The following RYR2 variants were observed in gnomAD, a reference collection of about 807,000 sequenced individuals.
RYR2 encodes ryanodine receptor 2, also known as cardiac muscle ryanodine receptor-calcium release channel.
In RYR2, 227 loss-of-function variants were observed where a neutral mutation model predicts 601.1. The ratio of observed to expected loss-of-function variants is 0.38; its 90% CI spans 0.34 to 0.42. The LOEUF is 0.42. Among genes scored for constraint, RYR2 ranks in the 10% least tolerant of loss-of-function variants. The pLI is 1.00. For missense variants in RYR2, 4,646 were observed against 6,156.5 expected (o/e 0.75, Z 8.21); for synonymous variants, 2,223 against 2,175.1 (o/e 1.02, Z -0.61).
At chr1:237,517,978 G>A (rs1666725131) in intron 24 of RYR2, among the ~76,000 whole-genome samples, 1 of 152,006 alleles carries the variant, frequency 6.6e-6, no homozygotes, top group African/African-American at 2.4e-5. Context: ...TCCTTCTCTT[G>A]TTGTGTTAAG....
chr1:237,383,426 T>G (rs1366874987), intron 8 of RYR2, among the ~76,000 whole-genome samples: 8 of 74,082 alleles, frequency 1.1e-4, no homozygotes, highest in African/African-American at 4.8e-4. Context: ...TGTTTTTTTT[T>G]TTTTTTTTTT....
intron 1 of RYR2, among the ~76,000 whole-genome samples, chr1:237,061,941 G>T (rs1164032917): frequency 6.6e-6 from 1 of 152,180 alleles, no homozygotes; most frequent in African/African-American, 2.4e-5. Flanking sequence ...GTAGAGATCA[G>T]TCCCTCCACC....
chr1:237,496,364 C>T (rs983403275), intron 19 of RYR2, 147 bp from the exon 20 acceptor site: 21 of 1,021,544 alleles, frequency 2.1e-5, no homozygotes, highest in Non-Finnish European at 2.7e-5. Context: ...ACTATGATTG[C>T]ACTACTGCGC....
chr1:237,321,052 C>T (rs1695583660), intron 2 of RYR2, among the ~76,000 whole-genome samples: 1 of 151,702 alleles, frequency 6.6e-6, no homozygotes, highest in Non-Finnish European at 1.5e-5. Flanking sequence ...GCTGATATGA[C>T]CTTGTGGAAG....
chr1:237,173,982 G>T (rs1012316488), intron 1 of RYR2, among the ~76,000 whole-genome samples: 5 of 152,108 alleles, frequency 3.3e-5, no homozygotes, highest in Non-Finnish European at 5.9e-5. Context: ...GCATGAACCT[G>T]GGAGGCAGGG....
At chr1:237,579,080 T>G (rs1673596165) in intron 29 of RYR2, among the ~76,000 whole-genome samples, 2 of 152,078 alleles carry the variant, frequency 1.3e-5, no homozygotes, top group African/African-American at 4.8e-5. Flanking sequence ...ATTCTAAGTC[T>G]CTGGAGAAAC....
chr1:237,618,574 C>T (rs1177920938), intron 38 of RYR2, among the ~76,000 whole-genome samples: 1 of 152,118 alleles, frequency 6.6e-6, no homozygotes, highest in East Asian at 1.9e-4. Context: ...CACCAATGGG[C>T]ATAGACAAGA....
intron 1 of RYR2, among the ~76,000 whole-genome samples, chr1:237,197,459 A>T (rs1276426692): frequency 2.0e-5 from 3 of 152,244 alleles, no homozygotes; most frequent in Non-Finnish European, 4.4e-5. Flanking sequence ...TTTCTTAATT[A>T]TGTAATCATG....
chr1:237,193,982 T>C (rs1680290410), intron 1 of RYR2, among the ~76,000 whole-genome samples: 1 of 152,262 alleles, frequency 6.6e-6, no homozygotes, highest in Admixed American at 6.5e-5. Context: ...TTTTCCTTTT[T>C]TCTTCTAAAC....
chr1:237,746,379 G>A (rs1323039167), intron 80 of RYR2, among the ~76,000 whole-genome samples: 1 of 152,026 alleles, frequency 6.6e-6, no homozygotes, highest in African/African-American at 2.4e-5. Flanking sequence ...TTCTTTCCCT[G>A]TAAAATATTC....
intron 22 of RYR2, among the ~76,000 whole-genome samples, chr1:237,504,235 T>A (rs1664973860): frequency 6.6e-6 from 1 of 152,238 alleles, no homozygotes; most frequent in African/African-American, 2.4e-5. Flanking sequence ...TTTAATCACC[T>A]GGGTGCAGGC....
intron 5 of RYR2, among the ~76,000 whole-genome samples, chr1:237,367,395 CA>C (rs67381357): frequency 0.36 from 53,908 of 151,672 alleles, 9,911 homozygotes; most frequent in East Asian, 0.42. Context: ...TCTGGCCCCC[CA>C]AAAAAAGTGG....
chr1:237,087,502 T>C (rs1425907491), intron 1 of RYR2, among the ~76,000 whole-genome samples: 2 of 152,174 alleles, frequency 1.3e-5, no homozygotes, highest in Non-Finnish European at 2.9e-5. Flanking sequence ...TAATGAGTAA[T>C]GATTCACTCT....
At chr1:237,767,642 T>C (rs1558373148) in intron 84 of RYR2, among the ~76,000 whole-genome samples, 1 of 152,170 alleles carries the variant, frequency 6.6e-6, no homozygotes, top group Non-Finnish European at 1.5e-5. Flanking sequence ...CTGTAGTCAC[T>C]AACTAAATAT....
chr1:237,729,689 C>T (rs77543558), intron 76 of RYR2, among the ~76,000 whole-genome samples: 1 of 152,238 alleles, frequency 6.6e-6, no homozygotes, highest in East Asian at 1.9e-4. Flanking sequence ...TTCTCATCTG[C>T]ACTGGTCTTT....
At chr1:237,527,995 G>A (rs1161535431) in intron 24 of RYR2, among the ~76,000 whole-genome samples, 2 of 152,138 alleles carry the variant, frequency 1.3e-5, no homozygotes, top group Admixed American at 6.6e-5. Context: ...CTACCTGTTA[G>A]TCACTTAGCA....
chr1:237,746,912 G>T (rs1692128598), intron 80 of RYR2, among the ~76,000 whole-genome samples: 1 of 151,736 alleles, frequency 6.6e-6, no homozygotes, highest in Admixed American at 6.6e-5. Flanking sequence ...TGAGCATTAT[G>T]GGTTTTTCTC....
intron 80 of RYR2, 125 bp downstream of exon 80, chr1:237,742,474 G>A (rs1217270551): frequency 5.4e-6 from 4 of 734,482 alleles, no homozygotes; most frequent in Middle Eastern, 3.2e-4. Context: ...GGAACTGCAT[G>A]TCAGAGCTGG....
chr1:237,521,240 G>A (rs2618690), intron 24 of RYR2, among the ~76,000 whole-genome samples: 110,709 of 151,710 alleles, frequency 0.73, 41,296 homozygotes, highest in East Asian at 0.87. Context: ...CCAGACAAAG[G>A]CACAACAAAA....
Sources: gnomAD v4.1 joint callset for allele counts (sites outside exome capture counted in the v4.1 genomes callset) on GRCh38, gnomAD v4.1.1 for gene constraint, MANE v1.5 for transcripts, NCBI Gene and HGNC (gene_info 2026-07-23, HGNC 2026-07-21) for gene names.